STAG1: variants seen among roughly 807,000 people sequenced by gnomAD.
STAG1 encodes the protein STAG1 cohesin complex component.
STAG1 carries 26 observed loss-of-function variants against 170.9 expected under a neutral mutation model. That is an observed-to-expected ratio of 0.15 (90% CI 0.11 to 0.21). The LOEUF is 0.21. Among genes scored for constraint, STAG1 ranks in the 10% least tolerant of loss-of-function variants. The pLI is 1.00. For synonymous variants in STAG1, 514 were observed against 497.7 expected (o/e 1.03, Z -0.44); for missense variants, 964 against 1,509.5 (o/e 0.64, Z 5.99).
chr3:136,682,882 C>T (rs145691683), intron 1 of STAG1, among the ~76,000 whole-genome samples: 1,631 of 152,130 alleles, frequency 0.011, 17 homozygotes, highest in Non-Finnish European at 0.013. Flanking sequence ...TGTCTACTAA[C>T]GGATAAATGG....
intron 1 of STAG1, among the ~76,000 whole-genome samples, chr3:136,644,308 A>G (rs1383042713): frequency 6.6e-6 from 1 of 152,236 alleles, no homozygotes; most frequent in African/African-American, 2.4e-5. Flanking sequence ...AATTAGGGGA[A>G]GAACAAGTTA....
intron 28 of STAG1, among the ~76,000 whole-genome samples, chr3:136,356,604 A>G (rs1014405421): frequency 1.3e-5 from 2 of 151,656 alleles, no homozygotes; most frequent in Non-Finnish European, 2.9e-5. Flanking sequence ...CTGGTCTTGA[A>G]CTCCTGGACT....
At chr3:136,541,585 C>CACCCA (rs59103512) in intron 6 of STAG1, among the ~76,000 whole-genome samples, 1 of 148,690 alleles carries the variant, frequency 6.7e-6, no homozygotes, top group African/African-American at 2.5e-5. Flanking sequence ...CACACACACA[C>CACCCA]CAGGGGTTTG....
chr3:136,707,966 G>A (rs570272468), intron 1 of STAG1, among the ~76,000 whole-genome samples: 25 of 152,006 alleles, frequency 1.6e-4, no homozygotes, highest in African/African-American at 5.1e-4. Context: ...AATAGCAGGC[G>A]GCTATATTTT....
intron 4 of STAG1, chr3:136,586,701 C>G: frequency 3.2e-6 from 1 of 314,732 alleles, no homozygotes; most frequent in Non-Finnish European, 6.3e-6. Context: ...ATATTTACTG[C>G]ATGCCTTCTA....
intron 1 of STAG1, among the ~76,000 whole-genome samples, chr3:136,723,687 C>T (rs1457872992): frequency 6.8e-6 from 1 of 146,552 alleles, no homozygotes. Flanking sequence ...GGCCAGCCAC[C>T]CCGTCTGGGA....
At chr3:136,525,574 G>GT (rs1481623731) in intron 6 of STAG1, among the ~76,000 whole-genome samples, 18 of 152,160 alleles carry the variant, frequency 1.2e-4, no homozygotes, top group African/African-American at 3.9e-4. Flanking sequence ...TTTTTGAAGG[G>GT]TTTTTTCTGT....
chr3:136,632,638 G>A (rs1940375792), intron 1 of STAG1, among the ~76,000 whole-genome samples: 1 of 152,086 alleles, frequency 6.6e-6, no homozygotes, highest in African/African-American at 2.4e-5. Context: ...AGAGTCTAAG[G>A]AGGAAAATAT....
At chr3:136,644,222 T>C (rs28682370) in intron 1 of STAG1, among the ~76,000 whole-genome samples, 54,883 of 152,108 alleles carry the variant, frequency 0.36, 11,187 homozygotes, top group African/African-American at 0.56. Context: ...TTCTAGGTGG[T>C]GAAAAACTTT....
intron 14 of STAG1, among the ~76,000 whole-genome samples, chr3:136,448,453 A>AG (rs2088846769): frequency 1.3e-5 from 2 of 152,222 alleles, no homozygotes; most frequent in Admixed American, 1.3e-4. Context: ...GAGCTTGTGC[A>AG]GGGGAAATCC....
chr3:136,628,315 T>A lies in STAG1; in HGVS notation c.29+2555A>T, dbSNP rs373920887. 1.7e-4 allele frequency among the ~76,000 whole-genome samples: 26 copies of A among 152,258 alleles called. No individual in the cohort carries two copies. The East Asian group carries it at 3.1e-3, about 18-fold the overall frequency. On this transcript the variant is annotated intron_variant, in intron 2 of 33. Coordinates refer to ENST00000383202, the MANE Select transcript of STAG1 (RefSeq NM_005862.3). ...TCATAAATTACCCAGTTCCAGGTAG[T>A]TCTTTATAGCAGTGTGAAAATGGAA...
chr3:136,733,033 TG>T (rs1163217312), intron 1 of STAG1, among the ~76,000 whole-genome samples: 1 of 151,960 alleles, frequency 6.6e-6, no homozygotes, highest in African/African-American at 2.4e-5. Context: ...TTAAGATAAA[TG>T]ATCTTTGGAT....
rs1225700678 is a variant in STAG1 at position 136,614,443 on chromosome 3, G to A, written c.132+8703C>T. On this transcript the variant is annotated intron_variant, in intron 3 of 33. Coordinates refer to ENST00000383202, the MANE Select transcript of STAG1 (RefSeq NM_005862.3). ...CATAGTGATTTTAAAATATTTTAAT[G>A]AGTATGTATAGGAAAGCAAACCTGA... 2.0e-5 allele frequency among the ~76,000 whole-genome samples: 3 copies of A among 152,234 alleles called. No homozygotes were observed. In the East Asian group the frequency reaches 5.8e-4, roughly 29 times the overall value.
At chr3:136,601,246 G>A (rs1938662738) in intron 4 of STAG1, among the ~76,000 whole-genome samples, 1 of 152,022 alleles carries the variant, frequency 6.6e-6, no homozygotes, top group Non-Finnish European at 1.5e-5. Flanking sequence ...ACTATTTTAG[G>A]AAGTACTGCC....
intron 21 of STAG1, among the ~76,000 whole-genome samples, chr3:136,415,246 G>T (rs970480945): frequency 2.0e-5 from 3 of 151,776 alleles, no homozygotes; most frequent in African/African-American, 7.3e-5. Context: ...ACAATAAAAT[G>T]AGGTCTGCTT....
chr3:136,341,754 T>C (rs781550294), intron 30 of STAG1, among the ~76,000 whole-genome samples: 1 of 152,212 alleles, frequency 6.6e-6, no homozygotes, highest in African/African-American at 2.4e-5. Flanking sequence ...CTGAGGCTAA[T>C]TGTTAGATGC....
chr3:136,619,797 G>A (rs1025071654), intron 3 of STAG1, among the ~76,000 whole-genome samples: 2 of 150,476 alleles, frequency 1.3e-5, no homozygotes, highest in South Asian at 4.2e-4. Context: ...CCGGGGTAGC[G>A]GTTCCTGCCT....
intron 5 of STAG1, among the ~76,000 whole-genome samples, chr3:136,563,793 G>T (rs1936943723): frequency 6.6e-6 from 1 of 151,922 alleles, no homozygotes; most frequent in Non-Finnish European, 1.5e-5. Context: ...GGCCAAGGCG[G>T]GTGGATCATG....
intron 5 of STAG1, among the ~76,000 whole-genome samples, chr3:136,568,339 T>C (rs545055808): frequency 6.6e-6 from 1 of 152,292 alleles, no homozygotes; most frequent in African/African-American, 2.4e-5. Flanking sequence ...GCTACTTGTG[T>C]TACTTTAAGA....
Sources: allele counts gnomAD v4.1 joint callset (sites outside exome capture counted in the v4.1 genomes callset), GRCh38; gene constraint gnomAD v4.1.1; transcripts MANE v1.5; gene names NCBI Gene and HGNC (gene_info 2026-07-23, HGNC 2026-07-21).